DBF4B: variants seen among roughly 807,000 people sequenced by gnomAD.
DBF4B encodes the protein DBF4B-CDC7 kinase regulatory subunit.
Under a neutral mutation model 53.4 loss-of-function variants are expected in DBF4B, and 49 were observed. The ratio of observed to expected loss-of-function variants is 0.92; its 90% CI spans 0.73 to 1.16. The LOEUF (loss-of-function observed/expected upper bound fraction) is 1.16. Ranked by LOEUF, DBF4B falls within the 50% of genes most tolerant of loss-of-function variation. The pLI is 0.00. For synonymous variants in DBF4B, 257 were observed against 288.7 expected (o/e 0.89, Z 1.11); for missense variants, 692 against 775.0 (o/e 0.89, Z 1.27).
rs577854507 is a variant in DBF4B, at chr17:44,722,528, G to A, written c.83-352G>A. Among the ~76,000 whole-genome samples, 6 of 152,288 alleles carry A rather than the reference G, an allele frequency of 3.9e-5. No individual in the cohort carries two copies. The East Asian group carries it at 5.8e-4, about 15-fold the overall frequency. ...AAGCATCCTCCTGCCTGGCACCCCC[G>A]TGTGAATCTCGGCCCTCTTTTCCCT... On this transcript the variant is annotated intron_variant, in intron 2 of 13. Transcript: ENST00000315005.
chr17:44,747,214 A>G (rs1159553463), intron 11 of DBF4B, 23 bp downstream of exon 11: 2 of 1,612,356 alleles, frequency 1.2e-6, no homozygotes, highest in Admixed American at 1.7e-5. Flanking sequence ...CCCATTAAGC[A>G]GCTGCTCCCA....
chr17:44,721,516 G>A (rs1002845990), intron 2 of DBF4B, among the ~76,000 whole-genome samples: 3 of 152,052 alleles, frequency 2.0e-5, no homozygotes, highest in African/African-American at 7.2e-5. Context: ...ACTGTGCCCG[G>A]CCTAATTCTT....
chr17:44,751,109 C>G lies in DBF4B; in HGVS notation c.1704C>G (p.Pro568=). The G allele has an allele frequency of 1.2e-6, 2 of 1,614,184 alleles. No individual in the cohort carries two copies. Among genetic ancestry groups the G allele is most frequent in the Non-Finnish European group, 1.7e-6 (2 of 1,180,040 alleles). Residue 568 remains proline (P), a synonymous_variant, in exon 14 of 14, where the codon CCC becomes CCG. Coordinates refer to ENST00000315005, the MANE Select transcript of DBF4B (RefSeq NM_145663.3). ...CATTGTCAACTGCAGGACCCATTCC[C>G]CGAACCTCACATCCGTGTACCCTTG... ...VPSLSTAGPI[P]RTSHPCTLAF...
chr17:44,725,684 C>CTTCTTTTTTTTTTT (rs777349094), intron 3 of DBF4B, among the ~76,000 whole-genome samples: 20 of 87,646 alleles, frequency 2.3e-4, no homozygotes, highest in African/African-American at 8.2e-4. Flanking sequence ...TTTTGTGCTT[C>CTTCTTTTTTTTTTT]TTTTTTTTTT....
At chr17:44,743,949 ATG>A (rs1976329916) in intron 10 of DBF4B, among the ~76,000 whole-genome samples, 1 of 151,612 alleles carries the variant, frequency 6.6e-6, no homozygotes, top group Non-Finnish European at 1.5e-5. Flanking sequence ...AAGGATACAC[ATG>A]TACCTATATA....
In DBF4B at chr17:44,732,091, C is replaced by T. The variant is rs973421275; in HGVS notation, c.469-87C>T. The T allele has an allele frequency of 2.9e-6, 4 of 1,358,162 alleles. No homozygotes were observed. The South Asian group carries it at 3.9e-5, about 13-fold the overall frequency. 84.1% of individuals were successfully genotyped at this position (1,358,162 alleles called of 1,614,324 possible). On this transcript the variant is annotated intron_variant, in intron 5 of 13. Transcript: ENST00000315005. ...CAGTCCCTCCCATGGATGACTCAGG[C>T]CTCCCAGAAGCAATTTCTATCTGTC...
chr17:44,714,802 A>G lies in DBF4B; in HGVS notation c.82+5436A>G, dbSNP rs79558295. ...GAGCTCAAGTGATCCTCCCACCTTG[A>G]TCTCCCAAAGTGCTGGGATTACAGA... On this transcript the variant is annotated intron_variant, in intron 2 of 13. Transcript: ENST00000315005. Among the ~76,000 whole-genome samples, 953 of 151,998 alleles carry G rather than the reference A, an allele frequency of 6.3e-3. 6 individuals are homozygous for G. The highest frequency in any genetic ancestry group is 0.011 in the Non-Finnish European group (769 of 67,942).
chr17:44,720,016 AT>A, intron 2 of DBF4B: 3 of 230,508 alleles, frequency 1.3e-5, no homozygotes, highest in Non-Finnish European at 8.9e-6. Flanking sequence ...GCTGCTACCA[AT>A]TTTGGTTGAG....
rs1348405411 is a variant in DBF4B, at chr17:44,726,410, C to A, written c.225+3388C>A. 8.0e-5 allele frequency among the ~76,000 whole-genome samples: 12 copies of A among 150,718 alleles called. No homozygotes were observed. The Admixed American group carries it at 8.0e-4, about 10-fold the overall frequency. On this transcript the variant is annotated intron_variant, in intron 3 of 13. Transcript: ENST00000315005. ...GGGCAGGGCAATGCTTATTTTTTTT[C>A]TAGCTATGATCATGAGTACTTTTTT...
At chr17:44,734,032 T>C in intron 6 of DBF4B, 58 bp from the exon 7 acceptor site, 1 of 1,442,764 alleles carries the variant, frequency 6.9e-7, no homozygotes, top group Non-Finnish European at 9.8e-7. Flanking sequence ...AGGAAGGGGC[T>C]GTGCTAGGTA....
rs143149939 is a variant in DBF4B, at chr17:44,735,850, C to T, written c.631-980C>T. On this transcript the variant is annotated intron_variant, in intron 7 of 13. Transcript: ENST00000315005. Reference sequence around the variant, plus strand: ...GAGGCACAGGTGGTCATGGATCCACCATCATCCTGGCCCTCCAGCTAAAGC... The same window carrying T: ...GAGGCACAGGTGGTCATGGATCCACTATCATCCTGGCCCTCCAGCTAAAGC... Among the ~76,000 whole-genome samples the T allele has an allele frequency of 4.2e-3, 637 of 152,238 alleles. 4 individuals carry two copies. The highest frequency in any genetic ancestry group is 0.015 in the African/African-American group (606 of 41,520).
chr17:44,719,569 C>T (rs1449069240), intron 2 of DBF4B, among the ~76,000 whole-genome samples: 2 of 152,168 alleles, frequency 1.3e-5, no homozygotes, highest in African/African-American at 4.8e-5. Flanking sequence ...TGATTTCTTT[C>T]ACTTAGCATA....
intron 7 of DBF4B, 107 bp downstream of exon 7, chr17:44,734,270 T>G: frequency 1.1e-5 from 16 of 1,397,814 alleles, no homozygotes; most frequent in Non-Finnish European, 1.6e-5. Flanking sequence ...CTGGCCATTC[T>G]GAAAGATGGA....
chr17:44,709,314 C>G lies in DBF4B; in HGVS notation c.30C>G (p.Cys10Trp). The G allele has an allele frequency of 6.2e-7, 1 of 1,614,126 alleles. No individual in the cohort carries two copies. Among genetic ancestry groups the G allele is most frequent in the Non-Finnish European group, 8.5e-7 (1 of 1,180,032 alleles). The change falls in exon 2 of 14, where the codon TGC becomes TGG. Residue 10 changes from cysteine (C) to tryptophan (W), a missense_variant. Coordinates refer to ENST00000315005, the MANE Select transcript of DBF4B (RefSeq NM_145663.3). MSEPGKGDD[C>W]LELESSMAES... ...TATGTCCTTTCTCAGGAGACGATTG[C>G]CTCGAGCTGGAGAGTTCCATGGCTG...
chr17:44,730,939 C>T (rs759065546), intron 4 of DBF4B, 26 bp from the exon 5 acceptor site: 3 of 1,613,104 alleles, frequency 1.9e-6, no homozygotes, highest in Non-Finnish European at 2.5e-6. Context: ...TAACAGCAGA[C>T]CTCACTGCTC....
chr17:44,751,435 T>A lies in DBF4B; in HGVS notation c.*182T>A, dbSNP rs1284321425. 7.0e-7 allele frequency: 1 copy of A among 1,424,362 alleles called. No individual in the cohort carries two copies. Among genetic ancestry groups the A allele is most frequent in the East Asian group, 2.5e-5 (1 of 39,666 alleles). 88.2% of individuals were successfully genotyped at this position (1,424,362 alleles called of 1,614,324 possible). ...CAGTGGGCATTGCCTTATCTTGCAG[T>A]CAGTCCCTTTTCAACATGTTGCCGT... On this transcript the variant is annotated 3_prime_UTR_variant, in exon 14 of 14. Transcript: ENST00000315005.
chr17:44,714,842 C>G (rs1414184512), intron 2 of DBF4B, among the ~76,000 whole-genome samples: 1 of 151,808 alleles, frequency 6.6e-6, no homozygotes, highest in African/African-American at 2.4e-5. Flanking sequence ...AGCTACCATG[C>G]CCAGCTTATT....
chr17:44,746,525 G>C lies in DBF4B; in HGVS notation c.831-558G>C, dbSNP rs1419695038. Among the ~76,000 whole-genome samples, 3 of 152,036 alleles carry C rather than the reference G, an allele frequency of 2.0e-5. No individual in the cohort carries two copies. The South Asian group carries it at 6.3e-4, about 32-fold the overall frequency. ...TCCCATCTTCACCTGTCGTTTAAGA[G>C]AAGGACGGAGATGGCTGGCGCGGTG... On this transcript the variant is annotated intron_variant, in intron 10 of 13. Coordinates refer to ENST00000315005, the MANE Select transcript of DBF4B (RefSeq NM_145663.3).
intron 2 of DBF4B, among the ~76,000 whole-genome samples, chr17:44,719,338 A>G (rs1158976950): frequency 6.6e-6 from 1 of 151,996 alleles, no homozygotes; most frequent in Non-Finnish European, 1.5e-5. Context: ...AAAGCGTACA[A>G]TTCAGTGACT....
Sources: gnomAD v4.1 joint callset for allele counts (sites outside exome capture counted in the v4.1 genomes callset) on GRCh38, gnomAD v4.1.1 for gene constraint, MANE v1.5 for transcripts, NCBI Gene and HGNC (gene_info 2026-07-23, HGNC 2026-07-21) for gene names.